HDAC9: variants seen among roughly 807,000 people sequenced by gnomAD.
HDAC9 encodes the protein MEF-2 interacting transcription repressor (MITR) protein.
Under a neutral mutation model 139.4 loss-of-function variants are expected in HDAC9, and 41 were observed. The observed-to-expected ratio is 0.29, with a 90% CI of 0.23 to 0.38. The LOEUF (loss-of-function observed/expected upper bound fraction) is 0.38, where lower values mean the gene tolerates loss of function less well. Ranked by LOEUF, HDAC9 falls within the 10% of genes least tolerant of loss-of-function variation. The pLI is 1.00. For missense variants in HDAC9, 1,147 were observed against 1,297.0 expected (o/e 0.88, Z 1.78); for synonymous variants, 517 against 476.2 (o/e 1.09, Z -1.12).
intron 1 of HDAC9, among the ~76,000 whole-genome samples, chr7:18,456,137 G>T (rs1055958837): frequency 1.3e-5 from 2 of 152,158 alleles, no homozygotes; most frequent in Non-Finnish European, 2.9e-5. Context: ...AATAATTACA[G>T]CTGAGCTAGA....
chr7:18,821,773 C>G (rs1347125715), intron 17 of HDAC9, among the ~76,000 whole-genome samples: 2 of 152,224 alleles, frequency 1.3e-5, no homozygotes, highest in African/African-American at 4.8e-5. Flanking sequence ...ACTTCAGATG[C>G]TGGTTGCATG....
chr7:18,431,652 C>T (rs1380498261), intron 1 of HDAC9, among the ~76,000 whole-genome samples: 2 of 152,118 alleles, frequency 1.3e-5, no homozygotes, highest in Admixed American at 1.3e-4. Flanking sequence ...TTATTATTAT[C>T]CTATTATACC....
At chr7:18,197,500 A>T (rs1790809275) in intron 2 of HDAC9, among the ~76,000 whole-genome samples, 1 of 152,200 alleles carries the variant, frequency 6.6e-6, no homozygotes, top group African/African-American at 2.4e-5. Context: ...GTGAGGCTGG[A>T]TGTTGCATCT....
At chr7:18,095,459 G>A (rs1456327071) in intron 1 of HDAC9, among the ~76,000 whole-genome samples, 2 of 152,120 alleles carry the variant, frequency 1.3e-5, no homozygotes, top group Admixed American at 6.5e-5. Flanking sequence ...ATTTACATGT[G>A]TATTTATGGT....
chr7:18,243,938 A>G (rs1005282123), intron 2 of HDAC9, among the ~76,000 whole-genome samples: 2 of 152,148 alleles, frequency 1.3e-5, no homozygotes, highest in Non-Finnish European at 2.9e-5. Context: ...ATTATGTGAT[A>G]ATAGTACTGT....
At chr7:18,274,568 C>A (rs1796592970) in intron 2 of HDAC9, among the ~76,000 whole-genome samples, 2 of 152,130 alleles carry the variant, frequency 1.3e-5, no homozygotes, top group African/African-American at 4.8e-5. Context: ...ACATCAGAGA[C>A]CAAATTTCAA....
At chr7:18,178,606 C>A (rs1322458195) in intron 2 of HDAC9, among the ~76,000 whole-genome samples, 1 of 152,208 alleles carries the variant, frequency 6.6e-6, no homozygotes, top group Non-Finnish European at 1.5e-5. Flanking sequence ...TAAACCACCT[C>A]TCTCCCAAAA....
intron 22 of HDAC9, among the ~76,000 whole-genome samples, chr7:18,926,014 T>C (rs1321215471): frequency 6.6e-6 from 1 of 152,096 alleles, no homozygotes; most frequent in African/African-American, 2.4e-5. Flanking sequence ...CTTGCAATTA[T>C]ATCTAGATCT....
chr7:18,274,981 G>A (rs1045108046), intron 2 of HDAC9, among the ~76,000 whole-genome samples: 2 of 152,136 alleles, frequency 1.3e-5, no homozygotes, highest in Non-Finnish European at 2.9e-5. Flanking sequence ...TGCCATTTAC[G>A]TGACAGTAGC....
chr7:18,161,583 A>G (rs990875540), intron 1 of HDAC9, among the ~76,000 whole-genome samples: 9 of 152,192 alleles, frequency 5.9e-5, no homozygotes, highest in African/African-American at 1.9e-4. Flanking sequence ...GTGGAAGTAC[A>G]TTAAAATTAA....
intron 17 of HDAC9, among the ~76,000 whole-genome samples, chr7:18,827,820 A>C (rs902239483): frequency 1.3e-5 from 2 of 152,146 alleles, no homozygotes; most frequent in Non-Finnish European, 2.9e-5. Flanking sequence ...AAGCTTTACC[A>C]AATTCTCTAT....
At chr7:18,306,921 C>T (rs555307356) in intron 1 of HDAC9, among the ~76,000 whole-genome samples, 1 of 152,260 alleles carries the variant, frequency 6.6e-6, no homozygotes, top group East Asian at 1.9e-4. Context: ...CTCATGCAGC[C>T]ATCTCCCCTG....
chr7:18,683,089 C>G (rs897467604), intron 12 of HDAC9, among the ~76,000 whole-genome samples: 1 of 151,660 alleles, frequency 6.6e-6, no homozygotes, highest in African/African-American at 2.4e-5. Context: ...AAATGTAATC[C>G]TTGTGAAATT....
intron 2 of HDAC9, among the ~76,000 whole-genome samples, chr7:18,583,640 G>C (rs979486159): frequency 6.6e-6 from 1 of 151,864 alleles, no homozygotes; most frequent in East Asian, 1.9e-4. Flanking sequence ...TAAAGTCCCA[G>C]ATACTTGGGA....
intron 21 of HDAC9, among the ~76,000 whole-genome samples, chr7:18,853,712 A>C (rs1797468767): frequency 6.6e-6 from 1 of 152,184 alleles, no homozygotes; most frequent in African/African-American, 2.4e-5. Context: ...AATAGAACTT[A>C]AGGGCAGCAG....
chr7:18,718,659 T>G (rs766655667), intron 12 of HDAC9, among the ~76,000 whole-genome samples: 21 of 152,242 alleles, frequency 1.4e-4, no homozygotes. Context: ...CGTAATTTTT[T>G]TATCCATTTA....
At chr7:18,327,192 A>G (rs1294901862) in intron 1 of HDAC9, among the ~76,000 whole-genome samples, 2 of 151,842 alleles carry the variant, frequency 1.3e-5, no homozygotes, top group Non-Finnish European at 2.9e-5. Context: ...TAGTGCATGG[A>G]AGGCTTATAA....
chr7:18,601,673 C>T (rs1833985907), intron 6 of HDAC9, among the ~76,000 whole-genome samples: 1 of 152,034 alleles, frequency 6.6e-6, no homozygotes, highest in African/African-American at 2.4e-5. Context: ...TCTGAGAGTC[C>T]TCACAAATTA....
chr7:18,647,297 T>A (rs890736495), intron 9 of HDAC9, among the ~76,000 whole-genome samples: 7 of 152,186 alleles, frequency 4.6e-5, no homozygotes, highest in African/African-American at 1.7e-4. Context: ...TACATATATT[T>A]GTGGTTTACA....
Sources: gnomAD v4.1 joint callset for allele counts (sites outside exome capture counted in the v4.1 genomes callset) on GRCh38, gnomAD v4.1.1 for gene constraint, MANE v1.5 for transcripts, NCBI Gene and HGNC (gene_info 2026-07-23, HGNC 2026-07-21) for gene names.